The following TPO variants were observed in gnomAD, a reference collection of about 807,000 sequenced individuals.
TPO encodes thyroid peroxidase.
In TPO, 78 loss-of-function variants were observed where a neutral mutation model predicts 96.9. The observed-to-expected ratio is 0.81, with a 90% CI of 0.67 to 0.97. The LOEUF (loss-of-function observed/expected upper bound fraction) is 0.97. Among genes scored for constraint, TPO ranks in the 50% least tolerant of loss-of-function variants. TPO has a pLI of 0.00. For synonymous variants in TPO, 547 were observed against 538.0 expected, an observed-to-expected ratio of 1.02 and a Z score of -0.23; for missense variants, 1,252 against 1,274.8, an observed-to-expected ratio of 0.98 and a Z score of 0.27.
At chr2:1,393,510 G>A (rs9326165) in intron 1 of TPO, among the ~76,000 whole-genome samples, 8,732 of 152,236 alleles carry the variant, frequency 0.057, 657 homozygotes, top group East Asian at 0.3. Flanking sequence ...TCAGGTGGGG[G>A]ACCCTTGTGC....
chr2:1,507,265 C>G (rs1014581739), intron 14 of TPO, among the ~76,000 whole-genome samples: 1 of 152,126 alleles, frequency 6.6e-6, no homozygotes, highest in Non-Finnish European at 1.5e-5. Context: ...GTACCAGTAC[C>G]ATGCTGTTTT....
At position 1,540,740 on chromosome 2, in the gene TPO, C is replaced by T. The variant is rs778044030; in HGVS notation, c.2748+17C>T. Reference sequence around the variant, plus strand: ...TCGGAGCAGGTGGGCCACACCATGCCGCATGTTTCCAGCTGCCACCGCAGT... The same window carrying T: ...TCGGAGCAGGTGGGCCACACCATGCTGCATGTTTCCAGCTGCCACCGCAGT... On this transcript the variant is annotated intron_variant, in intron 16 of 16. Coordinates refer to ENST00000329066, the MANE Select transcript of TPO (RefSeq NM_001206744.2). 9.3e-6 allele frequency: 15 copies of T among 1,613,084 alleles called. No individual in the cohort carries two copies. The highest frequency in any genetic ancestry group is 1.6e-4 in the Middle Eastern group (1 of 6,082).
At chr2:1,386,546 T>C (rs914314102) in intron 1 of TPO, among the ~76,000 whole-genome samples, 3 of 152,324 alleles carry the variant, frequency 2.0e-5, no homozygotes. Context: ...CTGCCTTTTT[T>C]TGTTTTCTAT....
intron 8 of TPO, among the ~76,000 whole-genome samples, chr2:1,482,445 T>C (rs886113480): frequency 6.6e-6 from 1 of 152,144 alleles, no homozygotes; most frequent in Non-Finnish European, 1.5e-5. Flanking sequence ...CCTGGGAAGA[T>C]GAGGCCTCTA....
intron 5 of TPO, among the ~76,000 whole-genome samples, chr2:1,444,068 T>C (rs376768697): frequency 4.4e-5 from 6 of 137,516 alleles, no homozygotes; most frequent in African/African-American, 1.7e-4. Flanking sequence ...GATCCAGTCA[T>C]TGCTGCGGGA....
At chr2:1,398,436 T>C (rs921763681) in intron 1 of TPO, among the ~76,000 whole-genome samples, 1 of 152,144 alleles carries the variant, frequency 6.6e-6, no homozygotes, top group Non-Finnish European at 1.5e-5. Context: ...GGCTTCCCAC[T>C]GCAAACAAGG....
chr2:1,398,027 G>A (rs1573059603), intron 1 of TPO, among the ~76,000 whole-genome samples: 1 of 152,214 alleles, frequency 6.6e-6, no homozygotes, highest in East Asian at 1.9e-4. Flanking sequence ...ACATTTTCAG[G>A]CATGCAACTT....
intron 10 of TPO, among the ~76,000 whole-genome samples, chr2:1,490,777 C>T (rs1671705273): frequency 6.6e-6 from 1 of 152,198 alleles, no homozygotes; most frequent in Non-Finnish European, 1.5e-5. Flanking sequence ...AAGAGAAACG[C>T]TCATGTCTCA....
intron 16 of TPO, chr2:1,541,714 A>C (rs1487006491): frequency 6.6e-6 from 1 of 152,408 alleles, no homozygotes; most frequent in African/African-American, 2.4e-5. Flanking sequence ...AATTTGATAT[A>C]ATCTCTCCAC....
intron 14 of TPO, among the ~76,000 whole-genome samples, chr2:1,515,482 G>T (rs185970041): frequency 6.6e-6 from 1 of 152,326 alleles, no homozygotes; most frequent in Admixed American, 6.5e-5. Context: ...GGACAGGATC[G>T]TTTTGGAGAA....
At chr2:1,523,692 C>T (rs1345754541) in intron 15 of TPO, among the ~76,000 whole-genome samples, 6 of 137,282 alleles carry the variant, frequency 4.4e-5, no homozygotes, top group South Asian at 2.6e-4. Context: ...TGTGCAGCCT[C>T]CCCAAATCCC....
intron 3 of TPO, among the ~76,000 whole-genome samples, chr2:1,424,670 A>G (rs1442141636): frequency 6.6e-6 from 1 of 152,210 alleles, no homozygotes; most frequent in Admixed American, 6.5e-5. Context: ...AAAATACACT[A>G]TACTATACAC....
chr2:1,421,505 G>A (rs28910009), intron 2 of TPO, among the ~76,000 whole-genome samples: 37 of 152,268 alleles, frequency 2.4e-4, no homozygotes, highest in Non-Finnish European at 4.7e-4. Flanking sequence ...TAAGAATGCC[G>A]GCAACATCCC....
intron 1 of TPO, among the ~76,000 whole-genome samples, chr2:1,397,949 T>C (rs1662109674): frequency 6.6e-6 from 1 of 152,184 alleles, no homozygotes; most frequent in Non-Finnish European, 1.5e-5. Flanking sequence ...GTTCCAAATA[T>C]GCACCTTGTG....
chr2:1,503,683 T>A (rs1673099239), intron 13 of TPO: 1 of 658,774 alleles, frequency 1.5e-6, no homozygotes, highest in Non-Finnish European at 2.8e-6. Flanking sequence ...CTCCAGGAAG[T>A]CTCCTGTGAC....
chr2:1,501,674 C>G (rs1228030664), intron 13 of TPO, among the ~76,000 whole-genome samples: 1 of 152,138 alleles, frequency 6.6e-6, no homozygotes, highest in East Asian at 1.9e-4. Flanking sequence ...TCATAGGAAG[C>G]AGAGACAAGA....
intron 5 of TPO, among the ~76,000 whole-genome samples, chr2:1,451,669 A>C (rs1464084): frequency 0.93 from 141,386 of 152,202 alleles, 65,747 homozygotes; most frequent in South Asian, 0.98. Flanking sequence ...ACAGAACCTC[A>C]GTGCTGGTTG....
chr2:1,413,963 A>G (rs1041860924), intron 1 of TPO, among the ~76,000 whole-genome samples: 2 of 152,262 alleles, frequency 1.3e-5, no homozygotes, highest in African/African-American at 2.4e-5. Context: ...AAGAAATTCA[A>G]TAGGCATTTA....
intron 1 of TPO, among the ~76,000 whole-genome samples, chr2:1,403,614 A>G (rs1365715192): frequency 6.6e-6 from 1 of 152,148 alleles, no homozygotes; most frequent in Non-Finnish European, 1.5e-5. Flanking sequence ...CTTTGGAACT[A>G]CCTGTGGCTG....
Sources: allele counts gnomAD v4.1 joint callset (sites outside exome capture counted in the v4.1 genomes callset), GRCh38; gene constraint gnomAD v4.1.1; transcripts MANE v1.5; gene names NCBI Gene and HGNC (gene_info 2026-07-23, HGNC 2026-07-21).